The following NRCAM variants were observed in gnomAD, a reference collection of about 807,000 sequenced individuals.
The protein encoded by NRCAM is neuronal cell adhesion molecule.
A neutral mutation model predicts 156.5 loss-of-function variants in NRCAM; 83 were observed. That is an observed-to-expected ratio of 0.53 (90% CI 0.44 to 0.64). The LOEUF (loss-of-function observed/expected upper bound fraction) is 0.64, where lower values mean the gene tolerates loss of function less well. NRCAM is among the 30% of genes least tolerant of loss of function. NRCAM has a pLI of 0.00. For missense variants in NRCAM, 1,417 were observed against 1,597.3 expected (o/e 0.89, Z 1.92); for synonymous variants, 538 against 563.9 (o/e 0.95, Z 0.65).
chr7:108,300,814 A>G (rs1236837537), intron 3 of NRCAM, among the ~76,000 whole-genome samples: 1 of 152,214 alleles, frequency 6.6e-6, no homozygotes, highest in Non-Finnish European at 1.5e-5. Flanking sequence ...TTTAAATTCA[A>G]ATTTTTGATT....
chr7:108,311,093 C>A (rs2098796873), intron 3 of NRCAM, among the ~76,000 whole-genome samples: 1 of 152,198 alleles, frequency 6.6e-6, no homozygotes, highest in African/African-American at 2.4e-5. Flanking sequence ...CCATGTACTT[C>A]CTCACAGTGG....
intron 3 of NRCAM, among the ~76,000 whole-genome samples, chr7:108,309,175 G>C (rs1262802822): frequency 2.0e-5 from 3 of 152,184 alleles, no homozygotes; most frequent in Non-Finnish European, 2.9e-5. Context: ...GACTGTCCAA[G>C]TATGCTAATG....
Position 108,319,890 on chromosome 7 carries a change from C to T in NRCAM, c.-173-7159G>A, listed in dbSNP as rs568629814. 6.6e-5 allele frequency among the ~76,000 whole-genome samples: 10 copies of T among 152,234 alleles called. No individual in the cohort carries two copies. The South Asian group carries it at 1.9e-3, about 28-fold the overall frequency. The stretch of plus-strand genomic sequence containing the variant: ...ACTTGGAGCCCTGTAGTTCTTTCAG[C>T]CTTTTATCCTAAGGGCAATGGGAAG... On this transcript the variant is annotated intron_variant, in intron 2 of 32. Coordinates refer to ENST00000379028, the MANE Select transcript of NRCAM (RefSeq NM_001037132.4).
At chr7:108,193,453 A>T (rs2073307724) in intron 17 of NRCAM, among the ~76,000 whole-genome samples, 1 of 152,220 alleles carries the variant, frequency 6.6e-6, no homozygotes, top group East Asian at 1.9e-4. Context: ...CTACTATGTC[A>T]AATTGAGGGT....
intron 2 of NRCAM, among the ~76,000 whole-genome samples, chr7:108,393,774 G>T (rs934541982): frequency 6.6e-6 from 1 of 152,182 alleles, no homozygotes; most frequent in African/African-American, 2.4e-5. Flanking sequence ...GATTGTCACA[G>T]ATCTTGATTG....
rs2073692118 is a variant in NRCAM, at chr7:108,193,967, T to G, written c.1778+57A>C. 2.6e-6 allele frequency: 4 copies of G among 1,562,918 alleles called. No individual in the cohort carries two copies. In the East Asian group the frequency reaches 9.0e-5, roughly 35 times the overall value. ...AATTGACTACATAGTAGACCTTTAG[T>G]TCAAGAATAGCTTAAAGAAAGAATG... On this transcript the variant is annotated intron_variant, in intron 17 of 32. Coordinates refer to ENST00000379028, the MANE Select transcript of NRCAM (RefSeq NM_001037132.4).
At chr7:108,205,123 C>T (rs2080432946) in intron 13 of NRCAM, among the ~76,000 whole-genome samples, 1 of 152,112 alleles carries the variant, frequency 6.6e-6, no homozygotes, top group African/African-American at 2.4e-5. Context: ...GGTGGGGTCT[C>T]TGGGAGGTGA....
chr7:108,394,511 T>C (rs1596312803), intron 2 of NRCAM, among the ~76,000 whole-genome samples: 1 of 152,196 alleles, frequency 6.6e-6, no homozygotes, highest in Non-Finnish European at 1.5e-5. Context: ...TCTCTTTGCC[T>C]CTTTCTGTCT....
chr7:108,419,827 T>A (rs1286206478), intron 1 of NRCAM, among the ~76,000 whole-genome samples: 1 of 152,182 alleles, frequency 6.6e-6, no homozygotes, highest in Non-Finnish European at 1.5e-5. Flanking sequence ...AGAACAGGTT[T>A]TGATGTCGGG....
chr7:108,179,758 A>C (rs898428340), intron 25 of NRCAM, among the ~76,000 whole-genome samples: 3 of 152,180 alleles, frequency 2.0e-5, no homozygotes, highest in African/African-American at 7.2e-5. Context: ...TTTCTAATAA[A>C]TTAGAAAAGA....
intron 2 of NRCAM, among the ~76,000 whole-genome samples, chr7:108,365,245 A>G (rs2099584884): frequency 6.6e-6 from 1 of 152,192 alleles, no homozygotes; most frequent in South Asian, 2.1e-4. Context: ...GGAAAGTGAA[A>G]CAGGCTTAAA....
rs565261472 is a variant in NRCAM, at chr7:108,345,508, C to A, written c.-173-32777G>T. On this transcript the variant is annotated intron_variant, in intron 2 of 32. Coordinates refer to ENST00000379028, the MANE Select transcript of NRCAM (RefSeq NM_001037132.4). ...CTATGAACTCTTTGTGTCCTCCCCC[C>A]ACATTCATATAGTGAAACCCTAATC... Among the ~76,000 whole-genome samples, 82 of 152,286 alleles carry A rather than the reference C, an allele frequency of 5.4e-4. 1 individual carries two copies. Among genetic ancestry groups the A allele is most frequent in the African/African-American group, 1.9e-3 (81 of 41,562 alleles).
At chr7:108,451,013 G>T (rs748610984) in intron 1 of NRCAM, among the ~76,000 whole-genome samples, 121 of 152,162 alleles carry the variant, frequency 8.0e-4, no homozygotes, top group Non-Finnish European at 1.2e-3. Context: ...GAGGTCAGGG[G>T]TTGAAGACCA....
intron 1 of NRCAM, among the ~76,000 whole-genome samples, chr7:108,402,665 C>T (rs911687639): frequency 2.0e-5 from 3 of 152,160 alleles, no homozygotes; most frequent in Non-Finnish European, 2.9e-5. Flanking sequence ...ACAATTCTGG[C>T]CATTGGAGCC....
At position 108,160,455 on chromosome 7, in the gene NRCAM, G is replaced by C. The variant is rs975785530; in HGVS notation, c.3504C>G (p.Gly1168=). 6.2e-7 allele frequency: 1 copy of C among 1,613,522 alleles called. No homozygotes were observed. Among genetic ancestry groups the C allele is most frequent in the African/African-American group, 1.3e-5 (1 of 74,898 alleles). Residue 1168 remains glycine, a synonymous_variant, in exon 31 of 33, where the codon GGC becomes GGG. Coordinates refer to ENST00000379028, the MANE Select transcript of NRCAM (RefSeq NM_001037132.4). ...CAGCACACATCAGACCAATGAACCA[G>C]CCCTGAGTTGCAATATCCACCTGCC... ...ASRQVDIATQ[G]WFIGLMCAVA...
Position 108,364,656 on chromosome 7 carries a change from C to A in NRCAM, c.-174+34780G>T, listed in dbSNP as rs529523888. Among the ~76,000 whole-genome samples, 6 of 151,654 alleles carry A rather than the reference C, an allele frequency of 4.0e-5. No homozygotes were observed. The South Asian group carries it at 6.2e-4, about 16-fold the overall frequency. ...AAACAAAATGTGGCATATATCCATA[C>A]AATGACATGTTATCTGGCCATATGG... On this transcript the variant is annotated intron_variant, in intron 2 of 32. Coordinates refer to ENST00000379028, the MANE Select transcript of NRCAM (RefSeq NM_001037132.4).
At chr7:108,443,994 A>T (rs898925201) in intron 1 of NRCAM, among the ~76,000 whole-genome samples, 1 of 152,160 alleles carries the variant, frequency 6.6e-6, no homozygotes, top group Non-Finnish European at 1.5e-5. Flanking sequence ...AGAGAGAGAT[A>T]GGGATACAAT....
chr7:108,438,121 A>T (rs139990172), intron 1 of NRCAM, among the ~76,000 whole-genome samples: 220 of 152,040 alleles, frequency 1.4e-3, no homozygotes, highest in African/African-American at 4.8e-3. Flanking sequence ...GGTGAATTCT[A>T]CTCTTCCACA....
chr7:108,264,018 C>T (rs1316806712), intron 3 of NRCAM, among the ~76,000 whole-genome samples: 1 of 152,134 alleles, frequency 6.6e-6, no homozygotes, highest in African/African-American at 2.4e-5. Context: ...TGGAGTCTCA[C>T]TCTGGCTGGA....
Sources: allele counts gnomAD v4.1 joint callset (sites outside exome capture counted in the v4.1 genomes callset), GRCh38; gene constraint gnomAD v4.1.1; transcripts MANE v1.5; gene names NCBI Gene and HGNC (gene_info 2026-07-23, HGNC 2026-07-21).